The following CTNNA3 variants were observed in gnomAD, a reference collection of about 807,000 sequenced individuals.
The protein encoded by CTNNA3 is catenin alpha 3, also known as catenin alpha-3.
CTNNA3 carries 76 observed loss-of-function variants against 95.7 expected under a neutral mutation model. The observed-to-expected ratio is 0.79, with a 90% CI of 0.66 to 0.96. The LOEUF (loss-of-function observed/expected upper bound fraction) is 0.96, where lower values mean the gene tolerates loss of function less well. Ranked by LOEUF, CTNNA3 falls within the 40% of genes least tolerant of loss-of-function variation. CTNNA3 has a pLI of 0.00. For missense variants in CTNNA3, 1,191 were observed against 1,089.8 expected, an observed-to-expected ratio of 1.09 and a Z score of -1.31; for synonymous variants, 431 against 374.4, an observed-to-expected ratio of 1.15 and a Z score of -1.74.
At chr10:66,042,334 C>T (rs1178805788) in intron 15 of CTNNA3, among the ~76,000 whole-genome samples, 1 of 152,038 alleles carries the variant, frequency 6.6e-6, no homozygotes, top group Non-Finnish European at 1.5e-5. Context: ...TTCTTGAAAG[C>T]AAGGTCTATG....
chr10:67,044,653 T>C (rs12772856), intron 7 of CTNNA3, among the ~76,000 whole-genome samples: 52,534 of 152,042 alleles, frequency 0.35, 9,639 homozygotes, highest in Middle Eastern at 0.55. Flanking sequence ...GTGAAATGAA[T>C]ACAAAAGCTA....
Position 66,618,320 on chromosome 10 carries a change from G to A in CTNNA3, c.1374+3372C>T, listed in dbSNP as rs1233506431. Among the ~76,000 whole-genome samples, 3 of 152,020 alleles carry A rather than the reference G, an allele frequency of 2.0e-5. No individual in the cohort carries two copies. In the East Asian group the frequency reaches 5.8e-4, roughly 29 times the overall value. ...ACCTGACTTCAAACTATACTACAAG[G>A]CTACAGTAACCAAAACAGCAAGGTA... On this transcript the variant is annotated intron_variant, in intron 10 of 17. Transcript: ENST00000433211.
At chr10:67,390,712 C>A (rs1205654203) in intron 5 of CTNNA3, among the ~76,000 whole-genome samples, 12 of 149,938 alleles carry the variant, frequency 8.0e-5, no homozygotes, top group African/African-American at 3.0e-4. Context: ...CCACCATGAT[C>A]AAGTGGGCTT....
chr10:66,351,328 T>C (rs967092254), intron 12 of CTNNA3, among the ~76,000 whole-genome samples: 12 of 152,062 alleles, frequency 7.9e-5, no homozygotes, highest in African/African-American at 2.9e-4. Context: ...GTATTTCCTC[T>C]AATTTTTCAG....
At chr10:67,430,470 T>C (rs983246884) in intron 5 of CTNNA3, among the ~76,000 whole-genome samples, 1 of 151,940 alleles carries the variant, frequency 6.6e-6, no homozygotes, top group African/African-American at 2.4e-5. Flanking sequence ...ATTAGGAACT[T>C]CTACTCCAAA....
intron 11 of CTNNA3, among the ~76,000 whole-genome samples, chr10:66,385,193 G>T (rs187329729): frequency 7.4e-4 from 113 of 152,142 alleles, no homozygotes; most frequent in African/African-American, 2.6e-3. Flanking sequence ...TAGACTGCTA[G>T]CAAGACTAAT....
At chr10:66,073,336 T>C (rs886967792) in intron 14 of CTNNA3, among the ~76,000 whole-genome samples, 2 of 152,164 alleles carry the variant, frequency 1.3e-5, no homozygotes, top group Non-Finnish European at 2.9e-5. Context: ...ATATAGTTCT[T>C]CTACAGTGTA....
chr10:66,244,337 A>G (rs1209148042), intron 13 of CTNNA3, among the ~76,000 whole-genome samples: 1 of 152,216 alleles, frequency 6.6e-6, no homozygotes, highest in Non-Finnish European at 1.5e-5. Flanking sequence ...CCGGAAGGGA[A>G]GGACATAAAC....
At chr10:67,252,141 G>T (rs1056903009) in intron 5 of CTNNA3, among the ~76,000 whole-genome samples, 11 of 151,558 alleles carry the variant, frequency 7.3e-5, no homozygotes, top group Non-Finnish European at 5.9e-5. Flanking sequence ...AACCCAGGAG[G>T]TGGAGGTTGC....
chr10:66,344,243 G>A (rs2092481910), intron 12 of CTNNA3, among the ~76,000 whole-genome samples: 1 of 127,432 alleles, frequency 7.8e-6, no homozygotes, highest in African/African-American at 2.9e-5. Flanking sequence ...AAAAAAAATT[G>A]ACTGCAATGT....
chr10:67,579,496 T>C (rs920715888), intron 3 of CTNNA3, among the ~76,000 whole-genome samples: 4 of 152,150 alleles, frequency 2.6e-5, no homozygotes, highest in Non-Finnish European at 5.9e-5. Context: ...CTATTGTGAA[T>C]AGTGCCACAA....
chr10:67,437,537 CA>C (rs536547217), intron 5 of CTNNA3, among the ~76,000 whole-genome samples: 2 of 151,668 alleles, frequency 1.3e-5, no homozygotes, highest in East Asian at 1.9e-4. Flanking sequence ...AAAAATTACA[CA>C]AAAAAACAAC....
chr10:66,655,919 A>G (rs1846059611), intron 9 of CTNNA3, among the ~76,000 whole-genome samples: 1 of 152,164 alleles, frequency 6.6e-6, no homozygotes, highest in Non-Finnish European at 1.5e-5. Flanking sequence ...GTTGGGACTT[A>G]CAGAAAAGCA....
intron 5 of CTNNA3, among the ~76,000 whole-genome samples, chr10:67,471,504 T>G (rs1278970021): frequency 1.3e-5 from 2 of 152,238 alleles, no homozygotes; most frequent in Admixed American, 1.3e-4. Context: ...CAGTAATTCC[T>G]TCCCAATCTC....
intron 13 of CTNNA3, among the ~76,000 whole-genome samples, chr10:66,116,082 A>T (rs2082330946): frequency 6.6e-6 from 1 of 152,214 alleles, no homozygotes; most frequent in African/African-American, 2.4e-5. Context: ...CACCTAAGGA[A>T]GAATTATGCT....
rs2076972656 is a variant in CTNNA3 at position 65,913,597 on chromosome 10, A to C, written c.*6733T>G. On this transcript the variant is annotated 3_prime_UTR_variant, in exon 18 of 18. Coordinates refer to ENST00000433211, the MANE Select transcript of CTNNA3 (RefSeq NM_013266.4). ...ACACAATGTATACTAACATGTAAAA[A>C]TACAGCATTATAATGGTATAAGATT... The C allele has an allele frequency of 6.6e-6, 1 of 152,180 alleles. No individual in the cohort carries two copies. Among genetic ancestry groups the C allele is most frequent in the Non-Finnish European group, 1.5e-5 (1 of 68,024 alleles). The allele number at this position is 152,180 out of a possible 1,614,324, so 9.4% of individuals were successfully genotyped here. A position where few individuals can be genotyped will look rare whatever the true frequency, so the allele number is the denominator to read the frequency against.
At chr10:66,988,561 T>G (rs542599010) in intron 7 of CTNNA3, among the ~76,000 whole-genome samples, 4 of 152,192 alleles carry the variant, frequency 2.6e-5, no homozygotes, top group Non-Finnish European at 5.9e-5. Flanking sequence ...AAATCTATTT[T>G]TAGACCTGCA....
intron 9 of CTNNA3, among the ~76,000 whole-genome samples, chr10:66,694,060 G>T (rs1392185237): frequency 6.6e-6 from 1 of 152,040 alleles, no homozygotes; most frequent in Admixed American, 6.5e-5. Flanking sequence ...AACTAGGAAA[G>T]CAAGAGCAAA....
At chr10:66,137,506 A>G (rs186017510) in intron 13 of CTNNA3, among the ~76,000 whole-genome samples, 43 of 152,302 alleles carry the variant, frequency 2.8e-4, no homozygotes, top group African/African-American at 1.0e-3. Context: ...ACAGAAAAAA[A>G]TTTAAAACTA....
Sources: gnomAD v4.1 joint callset for allele counts (sites outside exome capture counted in the v4.1 genomes callset) on GRCh38, gnomAD v4.1.1 for gene constraint, MANE v1.5 for transcripts, NCBI Gene and HGNC (gene_info 2026-07-23, HGNC 2026-07-21) for gene names.